The following RPS6KC1 variants were observed in gnomAD, a reference collection of about 807,000 sequenced individuals.
The protein encoded by RPS6KC1 is inactive ribosomal protein S6 kinase delta-1.
Under a neutral mutation model 103.8 loss-of-function variants are expected in RPS6KC1, and 54 were observed. That is an observed-to-expected ratio of 0.52 (90% confidence interval 0.42 to 0.65). RPS6KC1 has a LOEUF of 0.65. Among genes scored for constraint, RPS6KC1 ranks in the 30% least tolerant of loss-of-function variants. The probability of loss-of-function intolerance (pLI) is 0.00; values close to 1 mark genes in which losing one functional copy is unlikely to be tolerated. For missense variants in RPS6KC1, 1,151 were observed against 1,253.8 expected (o/e 0.92, Z 1.24); for synonymous variants, 439 against 438.7 (o/e 1.00, Z -0.01).
the RPS6KC1 span, among the ~76,000 whole-genome samples, chr1:213,750,899 C>T: frequency 2.6e-5 from 4 of 152,264 alleles, no homozygotes; most frequent in African/African-American, 9.6e-5. Flanking sequence ...CAGAAACAGT[C>T]CTGACAAAAC....
chr1:213,842,234 G>A, the RPS6KC1 span: 4 of 152,490 alleles, frequency 2.6e-5, no homozygotes, highest in East Asian at 7.7e-4. Flanking sequence ...GTGGTCTCAA[G>A]AGGAACCTCC....
chr1:213,586,751 A>G, the RPS6KC1 span, among the ~76,000 whole-genome samples: 1 of 152,044 alleles, frequency 6.6e-6, no homozygotes, highest in African/African-American at 2.4e-5. Flanking sequence ...GATCCCAGGG[A>G]CTTTGGTGCT....
intron 1 of RPS6KC1, 37 bp from the exon 2 acceptor site, chr1:213,070,969 A>G: frequency 1.5e-6 from 2 of 1,300,580 alleles, no homozygotes; most frequent in Non-Finnish European, 2.1e-6. Context: ...TTAAATTTTG[A>G]TAATGATTAG....
At chr1:213,068,483 CAAAAAAAAAA>C (rs71147057) in intron 1 of RPS6KC1, among the ~76,000 whole-genome samples, 5 of 36,352 alleles carry the variant, frequency 1.4e-4, no homozygotes, top group African/African-American at 2.3e-4. Context: ...GACTCTGTCT[CAAAAAAAAAA>C]AAAAAAAAAA....
the RPS6KC1 span, among the ~76,000 whole-genome samples, chr1:213,625,887 C>T: frequency 6.6e-6 from 1 of 152,154 alleles, no homozygotes; most frequent in Non-Finnish European, 1.5e-5. Flanking sequence ...CCGCAATAAA[C>T]ATACGTGTGC....
At chr1:213,517,285 T>C in the RPS6KC1 span, among the ~76,000 whole-genome samples, 6 of 152,142 alleles carry the variant, frequency 3.9e-5, no homozygotes, top group Non-Finnish European at 7.4e-5. Flanking sequence ...TGAATGTGTT[T>C]GCTCTTGCTT....
chr1:213,517,236 T>C, the RPS6KC1 span, among the ~76,000 whole-genome samples: 35 of 152,212 alleles, frequency 2.3e-4, 1 homozygote, highest in Middle Eastern at 3.4e-3. Context: ...CCTTCAGTTC[T>C]GCTCTGATCT....
At chr1:213,166,581 A>G (rs2090982867) in intron 6 of RPS6KC1, among the ~76,000 whole-genome samples, 1 of 152,174 alleles carries the variant, frequency 6.6e-6, no homozygotes, top group Non-Finnish European at 1.5e-5. Flanking sequence ...TAATAAATAA[A>G]TGTAGATGGT....
At chr1:213,428,867 T>C in the RPS6KC1 span, 1 of 158,060 alleles carries the variant, frequency 6.3e-6, no homozygotes, top group South Asian at 1.8e-4. Flanking sequence ...CCCAGAGAGC[T>C]TTGTTGATTC....
chr1:213,157,365 TC>T (rs2090007627), intron 6 of RPS6KC1, among the ~76,000 whole-genome samples: 1 of 152,008 alleles, frequency 6.6e-6, no homozygotes, highest in Non-Finnish European at 1.5e-5. Flanking sequence ...TGCCACCATG[TC>T]CGGCTAATTT....
intron 3 of RPS6KC1, among the ~76,000 whole-genome samples, chr1:213,078,168 A>G (rs773091708): frequency 1.3e-5 from 2 of 149,886 alleles, no homozygotes; most frequent in African/African-American, 4.9e-5. Flanking sequence ...CTTTGCTTAT[A>G]GTATGAATGG....
chr1:213,693,712 C>T, the RPS6KC1 span, among the ~76,000 whole-genome samples: 3 of 152,208 alleles, frequency 2.0e-5, no homozygotes, highest in Admixed American at 6.5e-5. Flanking sequence ...CAGAGGAGGA[C>T]ATTGGGAAGA....
At chr1:213,427,200 T>C in the RPS6KC1 span, among the ~76,000 whole-genome samples, 1 of 152,260 alleles carries the variant, frequency 6.6e-6, no homozygotes. Context: ...TGATCTGTGA[T>C]ATTTTCCCTA....
At chr1:213,114,254 T>G (rs1042265287) in intron 4 of RPS6KC1, among the ~76,000 whole-genome samples, 1 of 150,822 alleles carries the variant, frequency 6.6e-6, no homozygotes, top group Non-Finnish European at 1.5e-5. Flanking sequence ...GGCTTGTAGT[T>G]CTCCTTGAAG....
intron 6 of RPS6KC1, among the ~76,000 whole-genome samples, chr1:213,141,702 C>G (rs1404492131): frequency 6.6e-6 from 1 of 151,874 alleles, no homozygotes; most frequent in Non-Finnish European, 1.5e-5. Flanking sequence ...TTTCAGGTTT[C>G]TCTAGGTGTG....
At chr1:213,814,616 A>C in the RPS6KC1 span, among the ~76,000 whole-genome samples, 3 of 152,174 alleles carry the variant, frequency 2.0e-5, no homozygotes, top group Non-Finnish European at 4.4e-5. Flanking sequence ...TTATCAGTAA[A>C]ATCCATGTCA....
At chr1:213,733,886 T>C in the RPS6KC1 span, among the ~76,000 whole-genome samples, 1 of 152,236 alleles carries the variant, frequency 6.6e-6, no homozygotes, top group Non-Finnish European at 1.5e-5. Context: ...TGGTGTATTA[T>C]TAAGTAGCCT....
At chr1:213,145,628 A>T (rs1433736661) in intron 6 of RPS6KC1, among the ~76,000 whole-genome samples, 1 of 152,150 alleles carries the variant, frequency 6.6e-6, no homozygotes, top group African/African-American at 2.4e-5. Flanking sequence ...ATCATGTGGC[A>T]TTAGGTAGAA....
the RPS6KC1 span, among the ~76,000 whole-genome samples, chr1:213,594,618 A>G: frequency 1.3e-5 from 2 of 152,344 alleles, no homozygotes; most frequent in Middle Eastern, 3.4e-3. Flanking sequence ...AACAAAATCC[A>G]TTAATTAATC....
Sources: gnomAD v4.1 joint callset for allele counts (sites outside exome capture counted in the v4.1 genomes callset) on GRCh38, gnomAD v4.1.1 for gene constraint, MANE v1.5 for transcripts, NCBI Gene and HGNC (gene_info 2026-07-23, HGNC 2026-07-21) for gene names.